Variants in COMMD1 observed in about 807,000 individuals in gnomAD.
COMMD1 encodes COMM domain-containing protein 1.
A neutral mutation model predicts 17.2 loss-of-function variants in COMMD1; 10 were observed. That is an observed-to-expected ratio of 0.58 (90% CI 0.36 to 0.99). The LOEUF (loss-of-function observed/expected upper bound fraction) is 0.99. Among genes scored for constraint, COMMD1 ranks in the 50% least tolerant of loss-of-function variants. The pLI is 0.01. For synonymous variants in COMMD1, 97 were observed against 91.6 expected (o/e 1.06, Z -0.34); for missense variants, 270 against 231.8 (o/e 1.17, Z -1.07).
chr2:61,907,983 C>T (rs770692968), intron 1 of COMMD1, among the ~76,000 whole-genome samples: 54 of 152,172 alleles, frequency 3.5e-4, no homozygotes, highest in Non-Finnish European at 7.2e-4. Flanking sequence ...CCACTGCATC[C>T]GGCTTTACTT....
chr2:62,003,949 G>A (rs551591433), intron 2 of COMMD1, among the ~76,000 whole-genome samples: 3 of 152,040 alleles, frequency 2.0e-5, no homozygotes, highest in Non-Finnish European at 4.4e-5. Flanking sequence ...CCAACATGGT[G>A]AAACCCTGTC....
chr2:61,905,837 A>C lies in COMMD1; in HGVS notation c.159A>C (p.Ala53=). ...VPPEEFRPFL[A]KMRGILKSIA... ...CCGAGGAGTTCCGCCCCTTTCTGGC[A>C]AAGATGAGGGGGATTCTTAAGGTAC... The change falls in exon 1 of 3, where the codon GCA becomes GCC. Residue 53 remains alanine (A), a synonymous_variant. Transcript: ENST00000311832. 1.9e-6 allele frequency: 3 copies of C among 1,614,198 alleles called. No individual in the cohort carries two copies. Among genetic ancestry groups the C allele is most frequent in the Non-Finnish European group, 2.5e-6 (3 of 1,180,030 alleles).
intron 2 of COMMD1, among the ~76,000 whole-genome samples, chr2:62,130,856 C>T (rs911147316): frequency 2.0e-5 from 3 of 152,000 alleles, no homozygotes; most frequent in African/African-American, 7.2e-5. Context: ...TAAAACCAAA[C>T]ATTTGCTTAC....
intron 2 of COMMD1, among the ~76,000 whole-genome samples, chr2:62,073,840 A>C (rs368744600): frequency 2.6e-5 from 4 of 152,134 alleles, no homozygotes; most frequent in African/African-American, 4.8e-5. Context: ...CTGGCATCAC[A>C]GGTGCCGCCA....
At position 62,134,880 on chromosome 2, in the gene COMMD1, C is replaced by T. The variant is rs143081072; in HGVS notation, c.463-951C>T. ...GGGAGCTGTGAGGAGGGTTGGCTTG[C>T]AGCAAGTGGAGGGACCCCAGAAATG... On this transcript the variant is annotated intron_variant, in intron 2 of 2. Coordinates refer to ENST00000311832, the MANE Select transcript of COMMD1 (RefSeq NM_152516.4). 1.6e-4 allele frequency among the ~76,000 whole-genome samples: 25 copies of T among 152,278 alleles called. No individual in the cohort carries two copies. The East Asian group carries it at 4.6e-3, about 28-fold the overall frequency.
chr2:62,001,702 G>C (rs1668946832), intron 2 of COMMD1, among the ~76,000 whole-genome samples: 1 of 152,128 alleles, frequency 6.6e-6, no homozygotes, highest in African/African-American at 2.4e-5. Context: ...TTTATTTTCA[G>C]ATAAATAATC....
intron 2 of COMMD1, among the ~76,000 whole-genome samples, chr2:62,066,547 G>T (rs1363108904): frequency 6.7e-6 from 1 of 149,260 alleles, no homozygotes; most frequent in East Asian, 2.0e-4. Flanking sequence ...GACTACAGGT[G>T]GCTGCCACCA....
intron 1 of COMMD1, among the ~76,000 whole-genome samples, chr2:61,921,184 A>G (rs1320618236): frequency 2.0e-5 from 3 of 151,730 alleles, no homozygotes; most frequent in Non-Finnish European, 4.4e-5. Context: ...TGGCCAGGCT[A>G]ATCTCGAACT....
At chr2:62,069,355 A>G (rs925387399) in intron 2 of COMMD1, 2 of 152,182 alleles carry the variant, frequency 1.3e-5, no homozygotes, top group African/African-American at 4.8e-5. Context: ...TAGAATAAGG[A>G]AAGAGGCAAA....
intron 2 of COMMD1, among the ~76,000 whole-genome samples, chr2:62,130,270 C>CT (rs752361308): frequency 0.1 from 14,672 of 141,750 alleles, 850 homozygotes; most frequent in Non-Finnish European, 0.13. Flanking sequence ...CTTTATGTGA[C>CT]TTTTTTTTTT....
At chr2:62,104,647 A>C (rs1408509243) in intron 2 of COMMD1, among the ~76,000 whole-genome samples, 2 of 151,486 alleles carry the variant, frequency 1.3e-5, no homozygotes, top group Non-Finnish European at 2.9e-5. Context: ...AAAAAAAAAA[A>C]AAAAAAACAA....
At chr2:62,041,593 G>C (rs968367533) in intron 2 of COMMD1, among the ~76,000 whole-genome samples, 31 of 152,242 alleles carry the variant, frequency 2.0e-4, no homozygotes, top group Non-Finnish European at 3.5e-4. Flanking sequence ...GTTTCACCAT[G>C]TTGCCCAAGC....
chr2:62,027,943 G>A (rs543953545), intron 2 of COMMD1, among the ~76,000 whole-genome samples: 3 of 152,068 alleles, frequency 2.0e-5, no homozygotes, highest in African/African-American at 7.2e-5. Context: ...ATAAGCCACC[G>A]TGCCTGGCCT....
At chr2:61,959,010 T>C (rs941530694) in intron 1 of COMMD1, among the ~76,000 whole-genome samples, 2 of 152,216 alleles carry the variant, frequency 1.3e-5, no homozygotes, top group Admixed American at 1.3e-4. Context: ...TCCATGCAGA[T>C]TTTTTACTTT....
intron 1 of COMMD1, among the ~76,000 whole-genome samples, chr2:61,977,241 C>CTTTTT (rs1160361696): frequency 1.7e-4 from 15 of 88,802 alleles, no homozygotes; most frequent in Non-Finnish European, 2.4e-4. Flanking sequence ...ATAAAGTTTG[C>CTTTTT]TTTTTTTTTT....
intron 2 of COMMD1, among the ~76,000 whole-genome samples, chr2:62,050,620 G>A (rs546903340): frequency 3.9e-4 from 59 of 152,224 alleles, no homozygotes; most frequent in African/African-American, 1.3e-3. Context: ...CTCCTTTAAG[G>A]AAGAGGCTTG....
intron 2 of COMMD1, chr2:62,118,128 T>C (rs1672653740): frequency 6.6e-6 from 1 of 152,232 alleles, no homozygotes; most frequent in African/African-American, 2.4e-5. Context: ...TTAAAATCCA[T>C]TGCATTTTCT....
chr2:62,077,521 C>A (rs573733736), intron 2 of COMMD1, among the ~76,000 whole-genome samples: 3 of 152,224 alleles, frequency 2.0e-5, no homozygotes, highest in African/African-American at 7.2e-5. Context: ...ACTTGTATAG[C>A]CTCCCACACA....
chr2:62,038,151 G>T (rs1006870686), intron 2 of COMMD1, among the ~76,000 whole-genome samples: 5 of 152,058 alleles, frequency 3.3e-5, no homozygotes, highest in Non-Finnish European at 7.4e-5. Context: ...AGTCGGGCGT[G>T]GTGGCATGCA....
Sources: allele counts gnomAD v4.1 joint callset (sites outside exome capture counted in the v4.1 genomes callset), GRCh38; gene constraint gnomAD v4.1.1; transcripts MANE v1.5; gene names NCBI Gene and HGNC (gene_info 2026-07-23, HGNC 2026-07-21).